The following ANKRD40 variants were observed in gnomAD, a reference collection of about 807,000 sequenced individuals.
The protein encoded by ANKRD40 is ankyrin repeat domain-containing protein 40.
ANKRD40 carries 24 observed loss-of-function variants against 35.5 expected under a neutral mutation model. That is an observed-to-expected ratio of 0.68 (90% CI 0.49 to 0.95). The LOEUF is 0.95. Ranked by LOEUF, ANKRD40 falls within the 40% of genes least tolerant of loss-of-function variation. The pLI, the probability that ANKRD40 is intolerant of heterozygous loss-of-function variation, is 0.00. For synonymous variants in ANKRD40, 147 were observed against 173.5 expected (o/e 0.85, Z 1.20); for missense variants, 361 against 436.0 (o/e 0.83, Z 1.53).
chr17:50,698,178 C>T (rs985348259), intron 3 of ANKRD40, among the ~76,000 whole-genome samples: 1 of 151,656 alleles, frequency 6.6e-6, no homozygotes, highest in Non-Finnish European at 1.5e-5. Context: ...ACCAGGGCTT[C>T]TTGGAGAAAT....
At chr17:50,697,181 T>C in intron 3 of ANKRD40, 60 bp from the exon 4 acceptor site, 2 of 1,450,870 alleles carry the variant, frequency 1.4e-6, no homozygotes, top group African/African-American at 1.4e-5. Flanking sequence ...CCATGTTGTT[T>C]AAGATCTTTT....
Position 50,698,868 on chromosome 17 carries a change from G to A in ANKRD40, c.778+531C>T, listed in dbSNP as rs1224633455. On this transcript the variant is annotated intron_variant, in intron 3 of 4. Coordinates refer to ENST00000285243, the MANE Select transcript of ANKRD40 (RefSeq NM_052855.4). ...TATAAGAGAATATCCAGCTGGGTGC[G>A]GTGATTCACACCTATAATCTCAGCA... Among the ~76,000 whole-genome samples, 4 of 151,730 alleles carry A rather than the reference G, an allele frequency of 2.6e-5. No individual in the cohort carries two copies. In the East Asian group the frequency reaches 5.8e-4, roughly 22 times the overall value.
At chr17:50,696,501 G>C (rs1968202092) in intron 4 of ANKRD40, 2 of 236,272 alleles carry the variant, frequency 8.5e-6, no homozygotes, top group African/African-American at 4.5e-5. Context: ...AACTGAACTT[G>C]GTCCTTCACT....
chr17:50,698,985 C>CAAAAAA (rs5820829), intron 3 of ANKRD40, among the ~76,000 whole-genome samples: 2 of 69,616 alleles, frequency 2.9e-5, no homozygotes, highest in Non-Finnish European at 5.2e-5. Context: ...ACTAAAAATA[C>CAAAAAA]AAAAAAAAAA....
chr17:50,697,009 G>A lies in ANKRD40; in HGVS notation c.891C>T (p.Cys297=), dbSNP rs780234518. 3.7e-6 allele frequency: 6 copies of A among 1,614,084 alleles called. No homozygotes were observed. Residue 297 remains cysteine, a synonymous_variant, in exon 4 of 5, where the codon TGC becomes TGT. Transcript: ENST00000285243. ...GATCTGGATTAACACCCAGCTCACA[G>A]CAACACACTCTGAGCAACTCTTGGT... ...LTYQELLRVC[C]CELGVNPDQV... is the part of the protein sequence containing the mutation.
rs1968195263 is a variant in ANKRD40, at chr17:50,695,890, C to T, written c.*107G>A. 3 of 1,390,492 alleles carry T rather than the reference C, an allele frequency of 2.2e-6. No individual in the cohort carries two copies. Among genetic ancestry groups the T allele is most frequent in the Non-Finnish European group, 2.0e-6 (2 of 1,011,478 alleles). The allele number at this position is 1,390,492 out of a possible 1,614,324, so 86.1% of individuals were successfully genotyped here. The stretch of plus-strand genomic sequence containing the variant: ...GATGTTAGTATATACTATGCAGTGG[C>T]ACCAGAGGCCCTCCCGGGCATCTGA... On this transcript the variant is annotated 3_prime_UTR_variant, in exon 5 of 5. Coordinates refer to ENST00000285243, the MANE Select transcript of ANKRD40 (RefSeq NM_052855.4).
rs769477941 is a variant in ANKRD40, at chr17:50,707,649, G to C, written c.6C>G (p.Asn2Lys). The change falls in exon 1 of 5, where the codon AAC becomes AAG. Residue 2 changes from asparagine (N) to lysine (K), a missense_variant. Asn to Lys is a moderately conservative substitution (Grantham distance 94). This residue lies in a region of ANKRD40 where 56 missense variants were observed against 47.1 expected (regional missense o/e 1.19). Transcript: ENST00000285243. The surrounding 1 kb of genome is among the most constrained non-coding windows in gnomAD (Gnocchi z 4.8). Reference protein sequence around the residue: MNALLEQKEQQE... With the variant: MKALLEQKEQQE... ...GCTGCTCCTTCTGCTCTAGGAGGGC[G>C]TTCATCTTCCCACAGCCCCAGGCCC... 2 of 1,562,492 alleles carry C rather than the reference G, an allele frequency of 1.3e-6. No individual in the cohort carries two copies. The highest frequency in any genetic ancestry group is 1.7e-6 in the Non-Finnish European group (2 of 1,158,506).
chr17:50,705,229 G>A (rs1968318624), intron 1 of ANKRD40, among the ~76,000 whole-genome samples: 1 of 151,942 alleles, frequency 6.6e-6, no homozygotes. Flanking sequence ...ATACTCTTCT[G>A]GAACAAGTAG....
chr17:50,700,871 C>A, intron 1 of ANKRD40, 155 bp from the exon 2 acceptor site: 1 of 583,798 alleles, frequency 1.7e-6, no homozygotes. Context: ...AGCCGATGAG[C>A]AAAATATTTA....
chr17:50,707,503 C>A lies in ANKRD40; in HGVS notation c.134+18G>T. ...GACCGGCTGCCCTGACCCTAGGCCT[C>A]CCCCGCTCCCCACTTACCAGCCGTT... On this transcript the variant is annotated intron_variant, in intron 1 of 4. Coordinates refer to ENST00000285243, the MANE Select transcript of ANKRD40 (RefSeq NM_052855.4). The surrounding 1 kb of genome is among the most constrained non-coding windows in gnomAD (Gnocchi z 4.8). 6.2e-7 allele frequency: 1 copy of A among 1,602,418 alleles called. No homozygotes were observed. The highest frequency in any genetic ancestry group is 8.5e-7 in the Non-Finnish European group (1 of 1,174,314).
chr17:50,698,652 T>C (rs78535462), intron 3 of ANKRD40, among the ~76,000 whole-genome samples: 2,044 of 152,170 alleles, frequency 0.013, 42 homozygotes, highest in African/African-American at 0.046. Flanking sequence ...GGAGTACAGA[T>C]AGTCCAGATA....
chr17:50,702,065 G>T (rs1968278720), intron 1 of ANKRD40, among the ~76,000 whole-genome samples: 1 of 152,160 alleles, frequency 6.6e-6, no homozygotes, highest in Non-Finnish European at 1.5e-5. Flanking sequence ...TCTTGATCAA[G>T]CTCCCTGAAG....
At position 50,696,159 on chromosome 17, in the gene ANKRD40, G is replaced by T. The variant is rs1453443152; in HGVS notation, c.961-16C>A. On this transcript the variant is annotated splice_polypyrimidine_tract_variant and intron_variant, in intron 4 of 4. Transcript: ENST00000285243. ...CATCCTTGTCCTAAAACAAAAATATGTTAAACAGATTAACAGGAGCCACTT... is the reference window on the plus strand; with the variant it reads ...CATCCTTGTCCTAAAACAAAAATATTTTAAACAGATTAACAGGAGCCACTT... The T allele has an allele frequency of 4.3e-6, 7 of 1,611,192 alleles. No individual in the cohort carries two copies. The highest frequency in any genetic ancestry group is 5.9e-6 in the Non-Finnish European group (7 of 1,178,704).
chr17:50,699,859 GTCATCA>G lies in ANKRD40; in HGVS notation c.312_317del (p.Asp105_Asp106del), dbSNP rs138572332. 6.6e-6 allele frequency: 10 copies of G among 1,515,524 alleles called. No individual in the cohort carries two copies. Among genetic ancestry groups the G allele is most frequent in the Non-Finnish European group, 7.9e-6 (9 of 1,133,036 alleles). 93.9% of individuals were successfully genotyped at this position (1,515,524 alleles called of 1,614,324 possible). A position where few individuals can be genotyped will look rare whatever the true frequency, so the allele number is the denominator to read the frequency against. On this transcript the variant is annotated inframe_deletion, in exon 3 of 5. Transcript: ENST00000285243. ...ACTCCTTCTTCAGCTGGGGGAGGTT[GTCATCA>G]TCATCATCATCATCATCTTCTTCTT...
At chr17:50,701,123 G>A (rs1162234465) in intron 1 of ANKRD40, 1 of 120,256 alleles carries the variant, frequency 8.3e-6, no homozygotes, top group Admixed American at 8.2e-5. Flanking sequence ...GCCACCTGAA[G>A]ATTCAATATT....
intron 1 of ANKRD40, among the ~76,000 whole-genome samples, chr17:50,704,199 C>T (rs2146659497): frequency 6.6e-6 from 1 of 152,062 alleles, no homozygotes; most frequent in East Asian, 1.9e-4. Flanking sequence ...TTTGAGGGGC[C>T]TATTAGACAG....
At position 50,696,088 on chromosome 17, in the gene ANKRD40, AT is replaced by A; in HGVS notation, c.1015del (p.Ile339Ter). On this transcript the variant is annotated frameshift_variant, in exon 5 of 5. Transcript: ENST00000285243. LOFTEE classifies it high-confidence loss of function. Reference protein sequence around the residue: ...DFQELELVLMISENNFLFRNA... With the variant: ...DFQELELVLMXSENNFLFRNA... Reference sequence around the variant, plus strand: ...TCTGAACAGAAAATTATTTTCACTTATCATCAGAACCAGTTCCAGCTCCTGG... The same window carrying A: ...TCTGAACAGAAAATTATTTTCACTTACATCAGAACCAGTTCCAGCTCCTGG... The A allele has an allele frequency of 6.2e-7, 1 of 1,614,216 alleles. No individual in the cohort carries two copies. The highest frequency in any genetic ancestry group is 8.5e-7 in the Non-Finnish European group (1 of 1,180,038).
chr17:50,698,961 G>A (rs1471132756), intron 3 of ANKRD40, among the ~76,000 whole-genome samples: 2 of 108,092 alleles, frequency 1.9e-5, no homozygotes, highest in African/African-American at 7.4e-5. Context: ...CCAACATGGT[G>A]AAACCCCATC....
At chr17:50,705,120 C>CAA (rs56389674) in intron 1 of ANKRD40, among the ~76,000 whole-genome samples, 90 of 108,672 alleles carry the variant, frequency 8.3e-4, no homozygotes, top group African/African-American at 2.8e-3. Context: ...GACTCTGTCT[C>CAA]AAAAAAAAAA....
Sources: gnomAD v4.1 joint callset for allele counts (sites outside exome capture counted in the v4.1 genomes callset) on GRCh38, gnomAD v4.1.1 for gene constraint, gnomAD v4.1.1 regional missense constraint, Gnocchi (gnomAD v3.1) non-coding constraint, MANE v1.5 for transcripts, NCBI Gene and HGNC (gene_info 2026-07-23, HGNC 2026-07-21) for gene names.